The following TXNDC11 variants were observed in gnomAD, a reference collection of about 807,000 sequenced individuals.
The protein encoded by TXNDC11 is thioredoxin domain containing 11, also known as thioredoxin domain-containing protein 11.
A neutral mutation model predicts 78.0 loss-of-function variants in TXNDC11; 68 were observed. That is an observed-to-expected ratio of 0.87 (90% CI 0.72 to 1.07). The LOEUF (loss-of-function observed/expected upper bound fraction) is 1.07, where lower values mean the gene tolerates loss of function less well. Ranked by LOEUF, TXNDC11 falls within the 50% of genes least tolerant of loss-of-function variation. The pLI is 0.00. For synonymous variants in TXNDC11, 571 were observed against 495.2 expected (o/e 1.15, Z -2.03); for missense variants, 1,389 against 1,221.8 (o/e 1.14, Z -2.04).
intron 5 of TXNDC11, among the ~76,000 whole-genome samples, chr16:11,703,074 C>T (rs2051078727): frequency 6.6e-6 from 1 of 152,134 alleles, no homozygotes; most frequent in Non-Finnish European, 1.5e-5. Flanking sequence ...ATGTATCACA[C>T]ACCCTTCACA....
chr16:11,684,150 A>G lies in TXNDC11; in HGVS notation c.2234+15T>C. ...GAATCCCAACTGCCCACCAGTGACA[A>G]AAATTTGGCATTACCTGTTGCAGGG... On this transcript the variant is annotated intron_variant, in intron 11 of 11. Transcript: ENST00000283033. 6.2e-7 allele frequency: 1 copy of G among 1,607,506 alleles called. No individual in the cohort carries two copies. The highest frequency in any genetic ancestry group is 8.5e-7 in the Non-Finnish European group (1 of 1,174,220).
chr16:11,735,943 G>A (rs1286302570), intron 2 of TXNDC11, 74 bp downstream of exon 2: 1 of 1,459,376 alleles, frequency 6.9e-7, no homozygotes, highest in African/African-American at 1.4e-5. Flanking sequence ...TGGGCAAGGT[G>A]TCTCTGTGGG....
intron 5 of TXNDC11, among the ~76,000 whole-genome samples, chr16:11,706,470 G>A (rs1323221398): frequency 6.6e-6 from 1 of 152,232 alleles, no homozygotes; most frequent in Non-Finnish European, 1.5e-5. Flanking sequence ...ATGGGCTGGG[G>A]AACCAGCACT....
intron 6 of TXNDC11, among the ~76,000 whole-genome samples, chr16:11,699,559 T>C (rs758404019): frequency 8.1e-4 from 124 of 152,328 alleles, no homozygotes; most frequent in Non-Finnish European, 1.4e-3. Flanking sequence ...AAAAATACAT[T>C]TGACTTTTGG....
intron 5 of TXNDC11, among the ~76,000 whole-genome samples, chr16:11,708,608 G>C (rs1295151374): frequency 6.6e-6 from 1 of 152,144 alleles, no homozygotes; most frequent in Non-Finnish European, 1.5e-5. Flanking sequence ...GGAATATCGG[G>C]TCAAGAAAAA....
At chr16:11,711,557 C>T (rs775297682) in intron 5 of TXNDC11, among the ~76,000 whole-genome samples, 2 of 152,212 alleles carry the variant, frequency 1.3e-5, no homozygotes, top group African/African-American at 4.8e-5. Context: ...TTACACTCTG[C>T]TATTTTGCCT....
chr16:11,687,028 C>G (rs2050584079), intron 10 of TXNDC11, among the ~76,000 whole-genome samples: 1 of 152,178 alleles, frequency 6.6e-6, no homozygotes, highest in Non-Finnish European at 1.5e-5. Context: ...AGATTTGATT[C>G]TAATTATTAC....
intron 5 of TXNDC11, among the ~76,000 whole-genome samples, chr16:11,701,645 T>A (rs552080251): frequency 6.6e-6 from 1 of 152,130 alleles, no homozygotes; most frequent in African/African-American, 2.4e-5. Flanking sequence ...TATGTATACA[T>A]GGCTAATAAT....
intron 5 of TXNDC11, chr16:11,703,741 G>C: frequency 2.9e-6 from 2 of 701,496 alleles, no homozygotes; most frequent in Non-Finnish European, 5.2e-6. Context: ...AGAAGAGGTT[G>C]ATTCCAGAGC....
At chr16:11,707,187 G>A (rs1170019837) in intron 5 of TXNDC11, among the ~76,000 whole-genome samples, 7 of 152,040 alleles carry the variant, frequency 4.6e-5, no homozygotes, top group Non-Finnish European at 8.8e-5. Context: ...AGCACTTTGG[G>A]AGGCCAAGGT....
chr16:11,702,092 G>GTGTATATATATATATATATATA (rs150869552), intron 5 of TXNDC11, among the ~76,000 whole-genome samples: 77 of 144,300 alleles, frequency 5.3e-4, no homozygotes, highest in African/African-American at 1.9e-3. Context: ...GTATGTATGT[G>GTGTATATATATATATATATATA]TATATATATA....
Position 11,742,801 on chromosome 16 carries a change from G to A in TXNDC11, c.-71C>T. On this transcript the variant is annotated 5_prime_UTR_variant, in exon 1 of 12. Coordinates refer to ENST00000283033, the MANE Select transcript of TXNDC11 (RefSeq NM_015914.7). ...GCCCGAAGGCCCGGCCCGGCCCGTT[G>A]CTCCCCAATCCCGCAGCTCGCCGCA... 4.3e-6 allele frequency: 6 copies of A among 1,389,618 alleles called. No homozygotes were observed. Among genetic ancestry groups the A allele is most frequent in the Non-Finnish European group, 5.6e-6 (6 of 1,077,580 alleles). The allele number at this position is 1,389,618 out of a possible 1,614,324, so 86.1% of individuals were successfully genotyped here.
At chr16:11,712,729 G>C (rs1185731172) in intron 5 of TXNDC11, among the ~76,000 whole-genome samples, 1 of 152,014 alleles carries the variant, frequency 6.6e-6, no homozygotes, top group Non-Finnish European at 1.5e-5. Flanking sequence ...GAGGTGGCTG[G>C]ACTGCTTGAA....
Position 11,691,567 on chromosome 16 carries a change from A to C in TXNDC11, c.1623T>G (p.Cys541Trp). 1.2e-6 allele frequency: 2 copies of C among 1,614,234 alleles called. No homozygotes were observed. The highest frequency in any genetic ancestry group is 2.2e-5 in the East Asian group (1 of 44,888). ...GAACGGAGCTTGGGGCATCAACCTC[A>C]CATTTCTTCTCAAGGGAAGAAAATG... ...TVAFSSLEKK[C>W]EVDAPSSVPH... Residue 541 changes from cysteine to tryptophan, a missense_variant, in exon 8 of 12, where the codon TGT becomes TGG. Physicochemically the swap from Cys to Trp is radical, Grantham distance 215. Coordinates refer to ENST00000283033, the MANE Select transcript of TXNDC11 (RefSeq NM_015914.7).
intron 4 of TXNDC11, among the ~76,000 whole-genome samples, chr16:11,725,561 C>A (rs2141099260): frequency 6.6e-6 from 1 of 152,290 alleles, no homozygotes; most frequent in South Asian, 2.1e-4. Context: ...AGCCACAAGG[C>A]TGGGCTGTCG....
At chr16:11,703,151 C>G (rs904758409) in intron 5 of TXNDC11, among the ~76,000 whole-genome samples, 2 of 151,996 alleles carry the variant, frequency 1.3e-5, no homozygotes, top group African/African-American at 4.8e-5. Flanking sequence ...GAATACAGCA[C>G]GTACAAATAA....
At chr16:11,685,486 A>G (rs2050541981) in intron 10 of TXNDC11, among the ~76,000 whole-genome samples, 1 of 152,052 alleles carries the variant, frequency 6.6e-6, no homozygotes, top group Non-Finnish European at 1.5e-5. Flanking sequence ...CGTCTCTACT[A>G]AAAATACAAA....
chr16:11,716,624 G>T (rs1422042344), intron 5 of TXNDC11, among the ~76,000 whole-genome samples: 1 of 152,140 alleles, frequency 6.6e-6, no homozygotes, highest in Non-Finnish European at 1.5e-5. Flanking sequence ...TTAAAAGGAA[G>T]TTTTGAATAA....
At chr16:11,702,850 G>A (rs942850210) in intron 5 of TXNDC11, among the ~76,000 whole-genome samples, 2 of 152,172 alleles carry the variant, frequency 1.3e-5, no homozygotes, top group Non-Finnish European at 2.9e-5. Context: ...CAGGTAAGGA[G>A]TGGCCGACAA....
Sources: allele counts gnomAD v4.1 joint callset (sites outside exome capture counted in the v4.1 genomes callset), GRCh38; gene constraint gnomAD v4.1.1; transcripts MANE v1.5; gene names NCBI Gene and HGNC (gene_info 2026-07-23, HGNC 2026-07-21).